Variants in DLG2 observed in about 807,000 individuals in gnomAD.
The protein encoded by DLG2 is disks large homolog 2.
Under a neutral mutation model 132.5 loss-of-function variants are expected in DLG2, and 45 were observed. The observed-to-expected ratio is 0.34, with a 90% CI of 0.27 to 0.44. DLG2 has a LOEUF of 0.44. Ranked by LOEUF, DLG2 falls within the 20% of genes least tolerant of loss-of-function variation. DLG2 has a pLI of 1.00. For missense variants in DLG2, 1,045 were observed against 1,196.9 expected (o/e 0.87, Z 1.87); for synonymous variants, 424 against 419.6 (o/e 1.01, Z -0.13).
At chr11:83,991,689 T>C (rs1469948175) in intron 11 of DLG2, among the ~76,000 whole-genome samples, 1 of 152,070 alleles carries the variant, frequency 6.6e-6, no homozygotes, top group Non-Finnish European at 1.5e-5. Context: ...TAGACACTGA[T>C]CTGTAGTTCC....
At chr11:84,549,229 C>G (rs115280163) in intron 6 of DLG2, among the ~76,000 whole-genome samples, 1,937 of 152,214 alleles carry the variant, frequency 0.013, 39 homozygotes, top group African/African-American at 0.045. Flanking sequence ...ACCAAGAAAT[C>G]AAAGCAATGA....
chr11:83,486,656 T>G (rs1265588574), intron 21 of DLG2, among the ~76,000 whole-genome samples: 1 of 152,054 alleles, frequency 6.6e-6, no homozygotes, highest in African/African-American at 2.4e-5. Flanking sequence ...CATCACACTT[T>G]ACAAAAGAAC....
chr11:85,218,814 C>T (rs1395848775), intron 4 of DLG2, among the ~76,000 whole-genome samples: 1 of 152,066 alleles, frequency 6.6e-6, no homozygotes, highest in Non-Finnish European at 1.5e-5. Context: ...CGAAATCAAC[C>T]CAGGTGCCCA....
intron 7 of DLG2, among the ~76,000 whole-genome samples, chr11:84,354,581 C>T (rs1256173981): frequency 1.3e-5 from 2 of 152,056 alleles, no homozygotes; most frequent in Non-Finnish European, 2.9e-5. Flanking sequence ...TAGAAAATTG[C>T]TCTCACTGAC....
intron 3 of DLG2, among the ~76,000 whole-genome samples, chr11:85,371,822 G>C (rs1284531758): frequency 6.6e-6 from 1 of 152,184 alleles, no homozygotes; most frequent in Non-Finnish European, 1.5e-5. Flanking sequence ...GTGATTCCTT[G>C]TGGTACACAC....
At chr11:83,481,972 T>C (rs2093152031) in intron 22 of DLG2, among the ~76,000 whole-genome samples, 1 of 152,124 alleles carries the variant, frequency 6.6e-6, no homozygotes, top group Non-Finnish European at 1.5e-5. Context: ...TATATTAAGA[T>C]GTTTCTTTTC....
intron 6 of DLG2, among the ~76,000 whole-genome samples, chr11:84,769,462 C>T (rs2068926586): frequency 6.6e-6 from 1 of 151,964 alleles, no homozygotes; most frequent in Non-Finnish European, 1.5e-5. Context: ...AACAAAGTCT[C>T]AGAGAAATAT....
At chr11:85,276,270 T>A (rs1042748762) in intron 4 of DLG2, among the ~76,000 whole-genome samples, 1 of 152,046 alleles carries the variant, frequency 6.6e-6, no homozygotes, top group Non-Finnish European at 1.5e-5. Context: ...TTCCTCTATC[T>A]TTTTTGCCAG....
intron 7 of DLG2, among the ~76,000 whole-genome samples, chr11:84,291,837 A>C (rs891547403): frequency 2.0e-5 from 3 of 152,210 alleles, no homozygotes; most frequent in Non-Finnish European, 2.9e-5. Context: ...ATACGAATAA[A>C]TTTCCAGCCT....
At chr11:84,122,970 G>A (rs939292828) in intron 9 of DLG2, among the ~76,000 whole-genome samples, 2 of 152,050 alleles carry the variant, frequency 1.3e-5, no homozygotes, top group Non-Finnish European at 2.9e-5. Context: ...TTACAAAAAA[G>A]AGAAGAGTGG....
At chr11:83,716,953 A>G (rs2086844852) in intron 18 of DLG2, among the ~76,000 whole-genome samples, 1 of 152,198 alleles carries the variant, frequency 6.6e-6, no homozygotes, top group Non-Finnish European at 1.5e-5. Context: ...TGCTCTAACA[A>G]CCATACTCTT....
At chr11:83,626,686 T>C (rs752073557) in intron 19 of DLG2, among the ~76,000 whole-genome samples, 1 of 152,154 alleles carries the variant, frequency 6.6e-6, no homozygotes, top group Non-Finnish European at 1.5e-5. Context: ...GGGTGAAGAA[T>C]GCCGAGGGGA....
At chr11:85,355,248 G>T (rs1474033277) in intron 3 of DLG2, among the ~76,000 whole-genome samples, 3 of 152,062 alleles carry the variant, frequency 2.0e-5, no homozygotes, top group African/African-American at 4.8e-5. Flanking sequence ...AGGCATAAAA[G>T]ATTTGATTAG....
chr11:83,724,123 T>A (rs575700418), intron 18 of DLG2, among the ~76,000 whole-genome samples: 2 of 152,330 alleles, frequency 1.3e-5, no homozygotes, highest in African/African-American at 4.8e-5. Flanking sequence ...GCTTTCCATA[T>A]ACTACTACTA....
At chr11:85,340,865 T>G (rs1314056154) in intron 3 of DLG2, among the ~76,000 whole-genome samples, 2 of 152,178 alleles carry the variant, frequency 1.3e-5, no homozygotes. Context: ...TTCATGCATG[T>G]TTCATTGTTG....
At chr11:83,863,267 T>C (rs774422178) in intron 16 of DLG2, among the ~76,000 whole-genome samples, 1 of 152,186 alleles carries the variant, frequency 6.6e-6, no homozygotes, top group Non-Finnish European at 1.5e-5. Flanking sequence ...ATATTCTTTT[T>C]ACATCTACTA....
At chr11:83,987,331 A>C (rs1239856472) in intron 11 of DLG2, among the ~76,000 whole-genome samples, 1 of 152,160 alleles carries the variant, frequency 6.6e-6, no homozygotes, top group Non-Finnish European at 1.5e-5. Flanking sequence ...TTCTTCACAG[A>C]ATTGGAAAAA....
At chr11:84,894,762 A>G (rs539033369) in intron 6 of DLG2, among the ~76,000 whole-genome samples, 214 of 152,266 alleles carry the variant, frequency 1.4e-3, no homozygotes, top group Non-Finnish European at 2.5e-3. Flanking sequence ...GCCTACTGGG[A>G]TAGAGATGGA....
chr11:84,546,597 C>T (rs376048341), intron 6 of DLG2: 14 of 476,804 alleles, frequency 2.9e-5, no homozygotes, highest in Admixed American at 1.0e-4. Context: ...TTTGGTTCCA[C>T]GACTCTCTCA....
Sources: gnomAD v4.1 joint callset for allele counts (sites outside exome capture counted in the v4.1 genomes callset) on GRCh38, gnomAD v4.1.1 for gene constraint, MANE v1.5 for transcripts, NCBI Gene and HGNC (gene_info 2026-07-23, HGNC 2026-07-21) for gene names.